The following DLG1 variants were observed in gnomAD, a reference collection of about 807,000 sequenced individuals.
The protein encoded by DLG1 is disks large homolog 1.
In DLG1, 42 loss-of-function variants were observed where a neutral mutation model predicts 123.4. The ratio of observed to expected loss-of-function variants is 0.34; its 90% CI spans 0.27 to 0.44. The LOEUF (loss-of-function observed/expected upper bound fraction) is 0.44, where lower values mean the gene tolerates loss of function less well. DLG1 is among the 20% of genes least tolerant of loss of function. The pLI, the probability that DLG1 is intolerant of heterozygous loss-of-function variation, is 1.00. For missense variants in DLG1, 942 were observed against 1,082.6 expected, an observed-to-expected ratio of 0.87 and a Z score of 1.82; for synonymous variants, 317 against 356.2, an observed-to-expected ratio of 0.89 and a Z score of 1.24.
In DLG1 at chr3:197,291,675, G is replaced by C. The variant is rs111537288; in HGVS notation, c.151+4671C>G. Among the ~76,000 whole-genome samples, 1,158 of 152,314 alleles carry C rather than the reference G, an allele frequency of 7.6e-3. 11 individuals carry two copies. Among genetic ancestry groups the C allele is most frequent in the African/African-American group, 0.025 (1,046 of 41,554 alleles). On this transcript the variant is annotated intron_variant, in intron 3 of 24. Coordinates refer to ENST00000667157, the MANE Select transcript of DLG1 (RefSeq NM_001366207.1). Reference sequence around the variant, plus strand: ...ATGGTTGACGGTGAGAAGTATCTATGGATTCAGATTAGTTGAGTTCAATTT... The same window carrying C: ...ATGGTTGACGGTGAGAAGTATCTATCGATTCAGATTAGTTGAGTTCAATTT...
chr3:197,044,354 C>T lies in DLG1; in HGVS notation c.*269G>A. The stretch of plus-strand genomic sequence containing the variant: ...CCTTAAACATTAAGGAATTTTACCA[C>T]AATTTCTGCGTCTCCCCACGTTCTT... On this transcript the variant is annotated 3_prime_UTR_variant, in exon 25 of 25. Transcript: ENST00000667157. 3.5e-6 allele frequency: 1 copy of T among 284,776 alleles called. No homozygotes were observed. The highest frequency in any genetic ancestry group is 1.4e-4 in the South Asian group (1 of 7,038). 17.6% of individuals were successfully genotyped at this position (284,776 alleles called of 1,614,324 possible).
intron 14 of DLG1, among the ~76,000 whole-genome samples, chr3:197,096,449 T>C (rs918894348): frequency 1.3e-5 from 2 of 152,218 alleles, no homozygotes; most frequent in Non-Finnish European, 2.9e-5. Context: ...TTACCCTGCA[T>C]GGAAGCCAAC....
At position 197,227,655 on chromosome 3, in the gene DLG1, C is replaced by T. The variant is rs113644443; in HGVS notation, c.319-33066G>A. On this transcript the variant is annotated intron_variant, in intron 4 of 24. Coordinates refer to ENST00000667157, the MANE Select transcript of DLG1 (RefSeq NM_001366207.1). ...AACAGCGTGCCAAAAGACAAAAATTCCCTTACCACCAACCATAACTCTAAT... is the reference window on the plus strand; with the variant it reads ...AACAGCGTGCCAAAAGACAAAAATTTCCTTACCACCAACCATAACTCTAAT... Among the ~76,000 whole-genome samples the T allele has an allele frequency of 8.0e-3, 1,218 of 152,200 alleles. 13 individuals carry two copies. The highest frequency in any genetic ancestry group is 0.027 in the African/African-American group (1,112 of 41,524).
chr3:197,060,793 A>C (rs1038007527), intron 22 of DLG1, among the ~76,000 whole-genome samples: 4 of 152,196 alleles, frequency 2.6e-5, no homozygotes, highest in African/African-American at 9.7e-5. Context: ...ATACATTTGA[A>C]ATCAGGCCCT....
intron 24 of DLG1, among the ~76,000 whole-genome samples, chr3:197,046,134 C>T (rs1180745390): frequency 6.6e-6 from 1 of 152,148 alleles, no homozygotes; most frequent in African/African-American, 2.4e-5. Flanking sequence ...ATACTTGGTT[C>T]GTGGGTTTGG....
At chr3:197,197,841 C>T (rs1165903782) in intron 4 of DLG1, among the ~76,000 whole-genome samples, 1 of 152,136 alleles carries the variant, frequency 6.6e-6, no homozygotes, top group Non-Finnish European at 1.5e-5. Flanking sequence ...GAAATAGATC[C>T]TGACATTTAC....
chr3:197,052,131 G>C (rs1049222421), intron 23 of DLG1, among the ~76,000 whole-genome samples: 1 of 151,764 alleles, frequency 6.6e-6, no homozygotes, highest in Non-Finnish European at 1.5e-5. Context: ...GTGAGCCACC[G>C]AGCCCAGCCT....
intron 14 of DLG1, among the ~76,000 whole-genome samples, chr3:197,103,084 T>A (rs13319975): frequency 0.17 from 26,582 of 152,134 alleles, 2,466 homozygotes; most frequent in African/African-American, 0.22. Context: ...TTATACCATA[T>A]CCTAAATTTG....
chr3:197,264,659 T>C (rs2046404263), intron 4 of DLG1, among the ~76,000 whole-genome samples: 1 of 152,178 alleles, frequency 6.6e-6, no homozygotes, highest in Non-Finnish European at 1.5e-5. Context: ...ACTCCTGACC[T>C]CAGGCGATCC....
At chr3:197,198,487 CAAA>C (rs5855568) in intron 4 of DLG1, among the ~76,000 whole-genome samples, 5 of 109,660 alleles carry the variant, frequency 4.6e-5, no homozygotes, top group Non-Finnish European at 3.7e-5. Flanking sequence ...ACTCAGTCTC[CAAA>C]AAAAAAAAAA....
chr3:197,078,278 T>C lies in DLG1; in HGVS notation c.1906-1593A>G, dbSNP rs541733297. 2.6e-5 allele frequency among the ~76,000 whole-genome samples: 4 copies of C among 151,458 alleles called. No homozygotes were observed. The South Asian group carries it at 6.3e-4, about 24-fold the overall frequency. ...GCAATGATTAGCTATGATCATACCA[T>C]TGCATTCCAACCTGGGTGATAGAGT... On this transcript the variant is annotated intron_variant, in intron 17 of 24. Transcript: ENST00000667157.
Position 197,188,717 on chromosome 3 carries a change from T to A in DLG1, c.483+5708A>T, listed in dbSNP as rs573680890. Among the ~76,000 whole-genome samples, 432 of 152,312 alleles carry A rather than the reference T, an allele frequency of 2.8e-3. 1 individual carries two copies. Among genetic ancestry groups the A allele is most frequent in the Non-Finnish European group, 4.9e-3 (333 of 68,014 alleles). On this transcript the variant is annotated intron_variant, in intron 5 of 24. Transcript: ENST00000667157. ...ATACTATAAAAGAGGAAAAGCTCTC[T>A]ATATTAGCTTTTATTTTAAAAAAGA... is the stretch of plus-strand genomic sequence containing the variant.
intron 4 of DLG1, among the ~76,000 whole-genome samples, chr3:197,266,370 T>C (rs1266507682): frequency 3.3e-5 from 5 of 151,748 alleles, no homozygotes; most frequent in Non-Finnish European, 7.4e-5. Flanking sequence ...AAGGATAGAG[T>C]GTGTTAATTA....
chr3:197,195,920 C>T (rs754251527), intron 4 of DLG1, among the ~76,000 whole-genome samples: 2 of 151,730 alleles, frequency 1.3e-5, no homozygotes, highest in African/African-American at 4.8e-5. Flanking sequence ...GAGGAAAAAA[C>T]GCTCAGCTTC....
chr3:197,126,346 C>T (rs957317353), intron 11 of DLG1, among the ~76,000 whole-genome samples: 1 of 151,898 alleles, frequency 6.6e-6, no homozygotes, highest in South Asian at 2.1e-4. Context: ...CGTGGTGGCG[C>T]ATGCCTGTAA....
At position 197,136,545 on chromosome 3, in the gene DLG1, TAA is replaced by T; in HGVS notation, c.1015_1016del (p.Leu339SerfsTer4). The stretch of plus-strand genomic sequence containing the variant: ...ACAATAGATTTCTTATACTTACTGC[TAA>T]AAGTTTATCTCCAATCTGAAGTTTG... ...DGKLQIGDKL[L>X]AVNNVCLEEV... On this transcript the variant is annotated frameshift_variant, in exon 10 of 25. Transcript: ENST00000667157. LOFTEE classifies it high-confidence loss of function. 1 of 1,607,700 alleles carries T rather than the reference TAA, an allele frequency of 6.2e-7. No homozygotes were observed. The highest frequency in any genetic ancestry group is 8.5e-7 in the Non-Finnish European group (1 of 1,177,930).
At chr3:197,190,645 G>A (rs1285315295) in intron 5 of DLG1, among the ~76,000 whole-genome samples, 4 of 152,142 alleles carry the variant, frequency 2.6e-5, no homozygotes, top group Admixed American at 2.0e-4. Flanking sequence ...GCCAGTCTGC[G>A]TTCCAATTCA....
intron 4 of DLG1, among the ~76,000 whole-genome samples, chr3:197,236,296 G>C (rs1204564039): frequency 6.6e-6 from 1 of 152,002 alleles, no homozygotes; most frequent in Non-Finnish European, 1.5e-5. Context: ...CTGGGCAACA[G>C]AGTGAGATCC....
At chr3:197,088,529 GATTA>G (rs1171059498) in intron 15 of DLG1, among the ~76,000 whole-genome samples, 8 of 152,192 alleles carry the variant, frequency 5.3e-5, no homozygotes, top group Non-Finnish European at 1.2e-4. Flanking sequence ...GCTCTAGGAA[GATTA>G]ATTGAGAAAG....
Sources: gnomAD v4.1 joint callset for allele counts (sites outside exome capture counted in the v4.1 genomes callset) on GRCh38, gnomAD v4.1.1 for gene constraint, MANE v1.5 for transcripts, NCBI Gene and HGNC (gene_info 2026-07-23, HGNC 2026-07-21) for gene names.